LIN28B: variants seen among roughly 807,000 people sequenced by gnomAD.
LIN28B encodes the protein protein lin-28 homolog B.
LIN28B carries 5 observed loss-of-function variants against 21.9 expected under a neutral mutation model. That is an observed-to-expected ratio of 0.23 (90% CI 0.12 to 0.48). LIN28B has a LOEUF of 0.48. Ranked by LOEUF, LIN28B falls within the 20% of genes least tolerant of loss-of-function variation. The pLI, the probability that LIN28B is intolerant of heterozygous loss-of-function variation, is 0.98. For missense variants in LIN28B, 245 were observed against 310.5 expected (o/e 0.79, Z 1.58); for synonymous variants, 109 against 111.3 (o/e 0.98, Z 0.13).
In LIN28B at chr6:104,949,146, A is replaced by G. The variant is rs73771027; in HGVS notation, c.19-1315A>G. 4.0e-3 allele frequency among the ~76,000 whole-genome samples: 616 copies of G among 152,266 alleles called. 2 individuals are homozygous for G. The highest frequency in any genetic ancestry group is 0.015 in the African/African-American group (605 of 41,552). On this transcript the variant is annotated intron_variant, in intron 2 of 5. Transcript: ENST00000635857. The stretch of plus-strand genomic sequence containing the variant: ...AGATAGGATTAAGAATAGGCTGTGG[A>G]CTATTAGAATAGAAAGGCAGAAGCT...
At chr6:105,027,549 CAAAT>C (rs1338672761) in intron 3 of LIN28B, among the ~76,000 whole-genome samples, 6 of 151,600 alleles carry the variant, frequency 4.0e-5, no homozygotes, top group Non-Finnish European at 8.8e-5. Flanking sequence ...TCTTTCTTCT[CAAAT>C]AAAAAATAAG....
At chr6:105,029,962 G>T (rs1057001202) in intron 3 of LIN28B, among the ~76,000 whole-genome samples, 5 of 152,142 alleles carry the variant, frequency 3.3e-5, no homozygotes, top group Non-Finnish European at 7.3e-5. Flanking sequence ...AATTATAGTT[G>T]GGGTACTGAT....
At chr6:105,071,408 T>C (rs1227324653) in intron 3 of LIN28B, among the ~76,000 whole-genome samples, 1 of 152,126 alleles carries the variant, frequency 6.6e-6, no homozygotes, top group Non-Finnish European at 1.5e-5. Context: ...ATATGTGGCT[T>C]TAATTTATTT....
intron 3 of LIN28B, among the ~76,000 whole-genome samples, chr6:105,048,663 G>T (rs1771825085): frequency 6.6e-6 from 1 of 152,094 alleles, no homozygotes; most frequent in African/African-American, 2.4e-5. Context: ...TTTTTGGTTG[G>T]TGGGCTATTA....
intron 2 of LIN28B, among the ~76,000 whole-genome samples, chr6:104,965,711 G>A (rs997047946): frequency 1.3e-5 from 2 of 152,072 alleles, no homozygotes; most frequent in South Asian, 2.1e-4. Flanking sequence ...AAGTATCAGG[G>A]TGTAAACTGC....
intron 2 of LIN28B, among the ~76,000 whole-genome samples, chr6:105,000,477 T>C (rs997478806): frequency 3.0e-4 from 46 of 152,238 alleles, no homozygotes; most frequent in African/African-American, 1.1e-3. Flanking sequence ...TATAAATACC[T>C]TTAAAATGTT....
At chr6:104,997,295 A>G (rs969162356) in intron 2 of LIN28B, among the ~76,000 whole-genome samples, 1 of 147,192 alleles carries the variant, frequency 6.8e-6, no homozygotes, top group African/African-American at 2.5e-5. Flanking sequence ...AAAAAAAAAA[A>G]GAAAAGAAAA....
In LIN28B at chr6:105,026,417, C is replaced by G. The variant is rs1401424788; in HGVS notation, c.318C>G (p.Pro106=). ...SIRVTGPGGS[P]CLGSERRPKG... ...GGGTAACAGGACCTGGTGGGAGCCC[C>G]TGTTTAGGAAGTGAAAGAAGACCCA... Residue 106 remains proline (P), a synonymous_variant, in exon 3 of 4, where the codon CCC becomes CCG. Coordinates refer to ENST00000345080, the MANE Select transcript of LIN28B (RefSeq NM_001004317.4). 3.1e-5 allele frequency: 50 copies of G among 1,611,200 alleles called. No homozygotes were observed. The highest frequency in any genetic ancestry group is 4.2e-5 in the Non-Finnish European group (50 of 1,178,780).
chr6:104,956,950 T>C (rs919251032), upstream of LIN28B: 2 of 536,530 alleles, frequency 3.7e-6, no homozygotes, highest in Non-Finnish European at 5.8e-6. Context: ...ATTCATAAAT[T>C]ATTTTGATGT....
chr6:105,012,867 T>A (rs941289745), intron 2 of LIN28B, among the ~76,000 whole-genome samples: 1 of 152,214 alleles, frequency 6.6e-6, no homozygotes, highest in Non-Finnish European at 1.5e-5. Context: ...GGCAGGTATA[T>A]GTTTAATTCT....
At chr6:105,036,593 C>A (rs1771526586) in intron 3 of LIN28B, among the ~76,000 whole-genome samples, 1 of 152,132 alleles carries the variant, frequency 6.6e-6, no homozygotes, top group Non-Finnish European at 1.5e-5. Context: ...TCATCACCCT[C>A]TGCCAGACAT....
At chr6:105,053,269 A>G (rs181500871) in intron 3 of LIN28B, among the ~76,000 whole-genome samples, 156 of 152,266 alleles carry the variant, frequency 1.0e-3, no homozygotes, top group Middle Eastern at 3.4e-3. Flanking sequence ...TATCCTAGAC[A>G]GTGGCTCATG....
chr6:104,980,173 GT>G (rs1355628126), intron 2 of LIN28B, among the ~76,000 whole-genome samples: 2 of 152,032 alleles, frequency 1.3e-5, no homozygotes, highest in African/African-American at 4.8e-5. Context: ...CCGTAATGTA[GT>G]TTTCCTAAAT....
chr6:105,053,433 T>C (rs970235671), intron 3 of LIN28B, among the ~76,000 whole-genome samples: 2 of 149,072 alleles, frequency 1.3e-5, no homozygotes, highest in African/African-American at 5.0e-5. Context: ...ATAAACTTAC[T>C]TGTTACTGGA....
At chr6:105,005,044 T>A (rs953814960) in intron 2 of LIN28B, among the ~76,000 whole-genome samples, 1 of 152,166 alleles carries the variant, frequency 6.6e-6, no homozygotes, top group African/African-American at 2.4e-5. Flanking sequence ...ATAGAAAGGG[T>A]AATGAGGCAA....
At chr6:104,963,508 T>C (rs2114577608) in intron 2 of LIN28B, among the ~76,000 whole-genome samples, 1 of 152,350 alleles carries the variant, frequency 6.6e-6, no homozygotes, top group East Asian at 1.9e-4. Flanking sequence ...ATTGGGTACA[T>C]ATTGAAGATG....
Position 105,077,363 on chromosome 6 carries a change from T to A in LIN28B, c.384-1051T>A, listed in dbSNP as rs150784659. On this transcript the variant is annotated intron_variant, in intron 3 of 3. Transcript: ENST00000345080. ...ACAAGTCATTAAACAAATTCTGTAT[T>A]TAAAATCAGATTTAACACCTTTGGT... Among the ~76,000 whole-genome samples the A allele has an allele frequency of 4.3e-3, 651 of 152,328 alleles. 5 individuals carry two copies. The highest frequency in any genetic ancestry group is 0.015 in the African/African-American group (625 of 41,578).
intron 2 of LIN28B, among the ~76,000 whole-genome samples, chr6:104,997,253 C>T (rs1770626677): frequency 1.3e-5 from 2 of 149,658 alleles, no homozygotes; most frequent in African/African-American, 2.5e-5. Flanking sequence ...TGCACTCCAG[C>T]CTGCGCGACA....
At chr6:105,038,005 T>G (rs1582910942) in intron 3 of LIN28B, among the ~76,000 whole-genome samples, 1 of 152,048 alleles carries the variant, frequency 6.6e-6, no homozygotes, top group Non-Finnish European at 1.5e-5. Context: ...ACAACAATAT[T>G]AGAAGGAAAT....
Sources: gnomAD v4.1 joint callset for allele counts (sites outside exome capture counted in the v4.1 genomes callset) on GRCh38, gnomAD v4.1.1 for gene constraint, MANE v1.5 for transcripts, NCBI Gene and HGNC (gene_info 2026-07-23, HGNC 2026-07-21) for gene names.